Variants in WDFY1 observed in about 807,000 individuals in gnomAD.
The protein encoded by WDFY1 is WD repeat and FYVE domain containing 1.
A neutral mutation model predicts 56.4 loss-of-function variants in WDFY1; 32 were observed. The observed-to-expected ratio is 0.57, with a 90% CI of 0.43 to 0.76. The LOEUF is 0.76. Ranked by LOEUF, WDFY1 falls within the 30% of genes least tolerant of loss-of-function variation. The pLI, the probability that WDFY1 is intolerant of heterozygous loss-of-function variation, is 0.00. For synonymous variants in WDFY1, 192 were observed against 197.3 expected, an observed-to-expected ratio of 0.97 and a Z score of 0.23; for missense variants, 480 against 545.7, an observed-to-expected ratio of 0.88 and a Z score of 1.20.
intron 3 of WDFY1, among the ~76,000 whole-genome samples, chr2:223,911,468 A>G (rs1693698738): frequency 6.6e-6 from 1 of 152,198 alleles, no homozygotes; most frequent in South Asian, 2.1e-4. Flanking sequence ...CAAAAATGCC[A>G]GTCTATAACA....
In WDFY1 at chr2:223,876,239, C is replaced by A. The variant is rs549502124; in HGVS notation, c.*2432G>T. 6.6e-6 allele frequency: 1 copy of A among 152,488 alleles called. No individual in the cohort carries two copies. Among genetic ancestry groups the A allele is most frequent in the East Asian group, 1.9e-4 (1 of 5,176 alleles). The allele number at this position is 152,488 out of a possible 1,614,324, so 9.4% of individuals were successfully genotyped here. A position where few individuals can be genotyped will look rare whatever the true frequency, so the allele number is the denominator to read the frequency against. On this transcript the variant is annotated 3_prime_UTR_variant, in exon 12 of 12. Coordinates refer to ENST00000233055, the MANE Select transcript of WDFY1 (RefSeq NM_020830.5). ...ATCCCTATCTGTACAAATTAGCCTG[C>A]ATATTCAGGAATGGAACAACCAGTA...
chr2:223,940,778 G>A (rs967569958), intron 1 of WDFY1, among the ~76,000 whole-genome samples: 3 of 152,030 alleles, frequency 2.0e-5, no homozygotes, highest in Non-Finnish European at 2.9e-5. Context: ...AAGTAGCTGG[G>A]ACCACAGGTG....
rs542198053 is a variant in WDFY1 at position 223,900,785 on chromosome 2, C to T, written c.485+398G>A. The stretch of plus-strand genomic sequence containing the variant: ...TTACTAGAAGACAAGTTCCTTTTTT[C>T]CTTCCTTCACACAATAAAAAGTCTT... On this transcript the variant is annotated intron_variant, in intron 5 of 11. Coordinates refer to ENST00000233055, the MANE Select transcript of WDFY1 (RefSeq NM_020830.5). The T allele has an allele frequency of 1.5e-4, 24 of 160,400 alleles. No individual in the cohort carries two copies. In the South Asian group the frequency reaches 4.0e-3, roughly 27 times the overall value. The allele number at this position is 160,400 out of a possible 1,614,324, so 9.9% of individuals were successfully genotyped here. A position where few individuals can be genotyped will look rare whatever the true frequency, so the allele number is the denominator to read the frequency against.
chr2:223,911,249 G>T (rs1259813481), intron 3 of WDFY1, among the ~76,000 whole-genome samples: 1 of 152,120 alleles, frequency 6.6e-6, no homozygotes, highest in East Asian at 1.9e-4. Context: ...AGGGGCAATG[G>T]AGAGTGACTG....
intron 1 of WDFY1, among the ~76,000 whole-genome samples, chr2:223,922,454 C>G (rs755792335): frequency 1.3e-5 from 2 of 152,192 alleles, no homozygotes; most frequent in Non-Finnish European, 2.9e-5. Context: ...TTCAAGGATT[C>G]TCCTCCACCT....
intron 6 of WDFY1, among the ~76,000 whole-genome samples, chr2:223,897,138 A>G (rs1420492724): frequency 6.6e-6 from 1 of 152,042 alleles, no homozygotes; most frequent in African/African-American, 2.4e-5. Context: ...TACATTTATT[A>G]TAACTTGTTA....
chr2:223,884,657 C>T lies in WDFY1; in HGVS notation c.924G>A (p.Gly308=), dbSNP rs766729619. The change falls in exon 9 of 12, where the codon GGG becomes GGA. Residue 308 remains glycine, a synonymous_variant. Transcript: ENST00000233055. The stretch of plus-strand genomic sequence containing the variant: ...GACAGTGGCTACTCACTTGTCTTAG[C>T]CCCAGCGTCTTGGTGTCCCACATCT... ...IKQMWDTKTL[G]LRQHHCRKCG... The T allele has an allele frequency of 1.1e-5, 17 of 1,613,862 alleles. No individual in the cohort carries two copies. In the South Asian group the frequency reaches 1.8e-4, roughly 17 times the overall value.
intron 1 of WDFY1, among the ~76,000 whole-genome samples, chr2:223,919,351 C>T (rs1290295296): frequency 6.6e-6 from 1 of 152,200 alleles, no homozygotes; most frequent in African/African-American, 2.4e-5. Flanking sequence ...GCTGGGATTA[C>T]AGGCGCACGC....
chr2:223,938,941 G>A (rs1407504368), intron 1 of WDFY1, among the ~76,000 whole-genome samples: 1 of 146,326 alleles, frequency 6.8e-6, no homozygotes, highest in African/African-American at 2.5e-5. Flanking sequence ...CTCAACCTCC[G>A]CCTACCGGGC....
intron 1 of WDFY1, among the ~76,000 whole-genome samples, chr2:223,943,798 T>C (rs972674074): frequency 3.9e-5 from 6 of 152,296 alleles, no homozygotes; most frequent in Middle Eastern, 3.4e-3. Context: ...GAGTTCTGGA[T>C]TGCATTTCCG....
intron 3 of WDFY1, among the ~76,000 whole-genome samples, chr2:223,910,720 G>A (rs1217686197): frequency 6.6e-6 from 1 of 152,056 alleles, no homozygotes; most frequent in Non-Finnish European, 1.5e-5. Context: ...CACCCCCCAG[G>A]ATGACCATAA....
In WDFY1 at chr2:223,888,011, G is replaced by GA. The variant is rs138633226; in HGVS notation, c.832-3263dup. On this transcript the variant is annotated intron_variant, in intron 8 of 11. Coordinates refer to ENST00000233055, the MANE Select transcript of WDFY1 (RefSeq NM_020830.5). The stretch of plus-strand genomic sequence containing the variant: ...CACAAATACAAAATTGTATTACCAT[G>GA]AAACACACATGCAACATTTGTGGTC... Among the ~76,000 whole-genome samples, 148 of 152,242 alleles carry GA rather than the reference G, an allele frequency of 9.7e-4. 1 individual carries two copies. In the Middle Eastern group the frequency reaches 0.01, roughly 10 times the overall value.
chr2:223,911,846 C>T (rs1273536876), intron 3 of WDFY1, among the ~76,000 whole-genome samples: 1 of 150,796 alleles, frequency 6.6e-6, no homozygotes, highest in African/African-American at 2.4e-5. Flanking sequence ...GACATGGTTT[C>T]CCTCTGCTGC....
At chr2:223,909,515 G>A (rs577340426) in intron 3 of WDFY1, among the ~76,000 whole-genome samples, 5 of 152,140 alleles carry the variant, frequency 3.3e-5, no homozygotes, top group Non-Finnish European at 5.9e-5. Flanking sequence ...TCCGGGACTC[G>A]TTTTGTTTAT....
At chr2:223,906,034 A>G (rs768333078) in intron 3 of WDFY1, 33 bp from the exon 4 acceptor site, 5 of 1,481,272 alleles carry the variant, frequency 3.4e-6, no homozygotes, top group Non-Finnish European at 4.5e-6. Context: ...AAAAATTAAA[A>G]GAGTTATGGT....
At chr2:223,908,238 C>T (rs559784266) in intron 3 of WDFY1, among the ~76,000 whole-genome samples, 4 of 152,064 alleles carry the variant, frequency 2.6e-5, no homozygotes, top group Non-Finnish European at 5.9e-5. Context: ...TTTCCTTGAC[C>T]CCTTCTCAGC....
intron 1 of WDFY1, among the ~76,000 whole-genome samples, chr2:223,922,672 G>C (rs1029563555): frequency 2.6e-5 from 4 of 152,206 alleles, no homozygotes; most frequent in Admixed American, 6.5e-5. Context: ...TCATGAATGT[G>C]TAGGTGGCTC....
At chr2:223,927,546 T>C (rs1466776630) in intron 1 of WDFY1, among the ~76,000 whole-genome samples, 1 of 152,238 alleles carries the variant, frequency 6.6e-6, no homozygotes, top group Non-Finnish European at 1.5e-5. Flanking sequence ...AAGGCCTTGC[T>C]CTGGATGAGG....
At chr2:223,893,539 A>G (rs1262812424) in intron 8 of WDFY1, among the ~76,000 whole-genome samples, 4 of 152,034 alleles carry the variant, frequency 2.6e-5, no homozygotes, top group African/African-American at 9.7e-5. Flanking sequence ...CAAAAAAAAA[A>G]AAGAGAGAGA....
Sources: allele counts gnomAD v4.1 joint callset (sites outside exome capture counted in the v4.1 genomes callset), GRCh38; gene constraint gnomAD v4.1.1; transcripts MANE v1.5; gene names NCBI Gene and HGNC (gene_info 2026-07-23, HGNC 2026-07-21).